ADK: variants seen among roughly 807,000 people sequenced by gnomAD.
ADK encodes the protein N6,N6-dimethyladenosine kinase.
Under a neutral mutation model 44.7 loss-of-function variants are expected in ADK, and 24 were observed. The observed-to-expected ratio is 0.54, with a 90% CI of 0.39 to 0.76. The LOEUF is 0.76. Ranked by LOEUF, ADK falls within the 30% of genes least tolerant of loss-of-function variation. ADK has a pLI of 0.00. For missense variants in ADK, 321 were observed against 425.1 expected (o/e 0.76, Z 2.15); for synonymous variants, 128 against 142.6 (o/e 0.90, Z 0.73).
intron 4 of ADK, among the ~76,000 whole-genome samples, chr10:74,356,002 ATTTTTTTTT>A (rs34454856): frequency 2.4e-5 from 2 of 83,310 alleles, no homozygotes; most frequent in African/African-American, 1.0e-4. Flanking sequence ...TAAATAATTC[ATTTTTTTTT>A]TTTTTTTTTT....
At chr10:74,321,270 G>C (rs1021168608) in intron 4 of ADK, among the ~76,000 whole-genome samples, 3 of 151,640 alleles carry the variant, frequency 2.0e-5, no homozygotes, top group African/African-American at 7.3e-5. Context: ...TAACATTGAG[G>C]CTATATGGAT....
At chr10:74,572,248 C>T (rs1253040029) in intron 7 of ADK, among the ~76,000 whole-genome samples, 1 of 152,156 alleles carries the variant, frequency 6.6e-6, no homozygotes, top group Non-Finnish European at 1.5e-5. Context: ...TATTTTATTT[C>T]TCCTTCACTT....
chr10:74,687,693 C>G (rs947931006), intron 10 of ADK, among the ~76,000 whole-genome samples: 2 of 152,208 alleles, frequency 1.3e-5, no homozygotes. Context: ...GTATCTCAAG[C>G]TAGAAACCTA....
intron 3 of ADK, among the ~76,000 whole-genome samples, chr10:74,231,465 T>G (rs1260039374): frequency 1.4e-5 from 2 of 147,884 alleles, no homozygotes; most frequent in African/African-American, 2.5e-5. Flanking sequence ...GTAAGAAAAG[T>G]TTTTTTTTTG....
chr10:74,302,681 A>G (rs1840099898), intron 3 of ADK, among the ~76,000 whole-genome samples: 1 of 152,140 alleles, frequency 6.6e-6, no homozygotes, highest in Non-Finnish European at 1.5e-5. Flanking sequence ...CTATGGTCCC[A>G]GCTACTTGTG....
chr10:74,199,841 G>A (rs1478542768), intron 1 of ADK, among the ~76,000 whole-genome samples: 1 of 151,874 alleles, frequency 6.6e-6, no homozygotes, highest in Non-Finnish European at 1.5e-5. Flanking sequence ...CACTACACCT[G>A]GCTAATTTTT....
At chr10:74,542,062 A>G (rs1009889110) in intron 7 of ADK, among the ~76,000 whole-genome samples, 5 of 151,984 alleles carry the variant, frequency 3.3e-5, no homozygotes, top group African/African-American at 1.2e-4. Flanking sequence ...GCAACATGGT[A>G]TAACCCTATC....
chr10:74,457,261 C>G lies in ADK; in HGVS notation c.555+58682C>G, dbSNP rs577724198. On this transcript the variant is annotated intron_variant, in intron 6 of 10. Coordinates refer to ENST00000539909, the MANE Select transcript of ADK (RefSeq NM_006721.4). ...ATGGATACATTGCTGGTCAGATACC[C>G]CCTCCCAAGACTAAACCAGGAGGAA... is the stretch of plus-strand genomic sequence containing the variant. Among the ~76,000 whole-genome samples the G allele has an allele frequency of 6.0e-3, 909 of 152,286 alleles. 8 individuals carry two copies. Among genetic ancestry groups the G allele is most frequent in the Non-Finnish European group, 9.2e-3 (629 of 68,018 alleles).
chr10:74,654,063 T>G (rs905460816), intron 9 of ADK, among the ~76,000 whole-genome samples: 9 of 152,230 alleles, frequency 5.9e-5, no homozygotes, highest in African/African-American at 2.2e-4. Context: ...ACTCTAAATA[T>G]TTTCCATTGC....
At chr10:74,412,301 C>T (rs1844210392) in intron 6 of ADK, among the ~76,000 whole-genome samples, 1 of 152,068 alleles carries the variant, frequency 6.6e-6, no homozygotes, top group Admixed American at 6.6e-5. Context: ...ATCCTCCCAC[C>T]TCATCATTTA....
At chr10:74,527,963 G>T (rs1849122851) in intron 7 of ADK, 2 of 784,940 alleles carry the variant, frequency 2.5e-6, no homozygotes, top group Non-Finnish European at 4.5e-6. Flanking sequence ...AGAAGGGCTG[G>T]TTATAAGAAA....
intron 8 of ADK, among the ~76,000 whole-genome samples, chr10:74,595,656 G>A (rs1326635140): frequency 1.3e-5 from 2 of 149,556 alleles, no homozygotes; most frequent in African/African-American, 2.5e-5. Context: ...GATTACAAGC[G>A]TGAGCTACCG....
intron 6 of ADK, among the ~76,000 whole-genome samples, chr10:74,504,439 ACTC>A (rs1847977637): frequency 6.6e-6 from 1 of 151,916 alleles, no homozygotes; most frequent in African/African-American, 2.4e-5. Flanking sequence ...ATAACTTTTG[ACTC>A]CCCAGAAACT....
At chr10:74,627,672 C>A (rs1004970373) in intron 9 of ADK, among the ~76,000 whole-genome samples, 2 of 150,172 alleles carry the variant, frequency 1.3e-5, no homozygotes, top group Non-Finnish European at 3.0e-5. Context: ...GCTCTGTCAC[C>A]CAGGCTGGAG....
At chr10:74,316,276 T>A (rs10762595) in intron 4 of ADK, among the ~76,000 whole-genome samples, 99,312 of 151,956 alleles carry the variant, frequency 0.65, 33,608 homozygotes, top group Middle Eastern at 0.81. Flanking sequence ...ATGATTTACT[T>A]AAGCCTTAAT....
intron 1 of ADK, among the ~76,000 whole-genome samples, chr10:74,185,188 A>T (rs1370954880): frequency 6.6e-6 from 1 of 152,232 alleles, no homozygotes; most frequent in Non-Finnish European, 1.5e-5. Flanking sequence ...TGAATTTAAA[A>T]TGAATAATTT....
At chr10:74,497,634 A>G (rs1427906181) in intron 6 of ADK, among the ~76,000 whole-genome samples, 10 of 152,206 alleles carry the variant, frequency 6.6e-5, no homozygotes, top group Non-Finnish European at 1.2e-4. Context: ...AAGTGAATAT[A>G]TACTATAATG....
chr10:74,232,846 G>A (rs1844829902), intron 3 of ADK, among the ~76,000 whole-genome samples: 1 of 151,978 alleles, frequency 6.6e-6, no homozygotes. Context: ...GGCTAGTCTC[G>A]AACTCCTGAC....
chr10:74,177,936 TA>T (rs1842403546), intron 1 of ADK, among the ~76,000 whole-genome samples: 1 of 92,606 alleles, frequency 1.1e-5, no homozygotes, highest in African/African-American at 4.4e-5. Context: ...TATATATATA[TA>T]TATATATATT....
Sources: gnomAD v4.1 joint callset for allele counts (sites outside exome capture counted in the v4.1 genomes callset) on GRCh38, gnomAD v4.1.1 for gene constraint, MANE v1.5 for transcripts, NCBI Gene and HGNC (gene_info 2026-07-23, HGNC 2026-07-21) for gene names.